Variants in CDC42BPB observed in about 807,000 individuals in gnomAD.
CDC42BPB encodes the protein serine/threonine-protein kinase MRCK beta.
A neutral mutation model predicts 214.9 loss-of-function variants in CDC42BPB; 37 were observed. That is an observed-to-expected ratio of 0.17 (90% CI 0.13 to 0.23). The LOEUF is 0.23. Among genes scored for constraint, CDC42BPB ranks in the 10% least tolerant of loss-of-function variants. CDC42BPB has a pLI of 1.00. For synonymous variants in CDC42BPB, 931 were observed against 884.0 expected, an observed-to-expected ratio of 1.05 and a Z score of -0.94; for missense variants, 1,694 against 2,227.0, an observed-to-expected ratio of 0.76 and a Z score of 4.82.
rs34302315 is a variant in CDC42BPB, at chr14:103,057,261, T to C, written c.-88A>G. The C allele has an allele frequency of 0.39, 458,881 of 1,169,046 alleles. 90,950 individuals are homozygous for C. Among genetic ancestry groups the C allele is most frequent in the African/African-American group, 0.54 (33,366 of 61,618 alleles). The allele number at this position is 1,169,046 out of a possible 1,614,324, so 72.4% of individuals were successfully genotyped here. On this transcript the variant is annotated 5_prime_UTR_variant, in exon 1 of 37. Transcript: ENST00000361246. ...GGCGCGCCCTCGGGGGCTCGGCGGC[T>C]GCGAGCCCCGGCAGCAGCGGCGCCT...
intron 1 of CDC42BPB, among the ~76,000 whole-genome samples, chr14:103,040,279 C>T (rs1228232351): frequency 1.3e-5 from 2 of 151,768 alleles, no homozygotes; most frequent in East Asian, 3.9e-4. Context: ...CGCTTGGACC[C>T]GGGAGGCAGA....
At chr14:102,951,465 G>A (rs1892487389) in intron 24 of CDC42BPB, among the ~76,000 whole-genome samples, 1 of 151,958 alleles carries the variant, frequency 6.6e-6, no homozygotes, top group Non-Finnish European at 1.5e-5. Flanking sequence ...TCGAATCCCA[G>A]CACAGGGCAA....
chr14:102,970,002 C>T lies in CDC42BPB; in HGVS notation c.1995+149G>A, dbSNP rs1029746469. The T allele has an allele frequency of 1.9e-5, 11 of 575,170 alleles. No homozygotes were observed. The Admixed American group carries it at 2.2e-4, about 11-fold the overall frequency. 35.6% of individuals were successfully genotyped at this position (575,170 alleles called of 1,614,324 possible). The stretch of plus-strand genomic sequence containing the variant: ...AGTCACGAAGGCAGGGGTCACACCC[C>T]CCACCTCTCCACATGTGGGTCTTGT... On this transcript the variant is annotated intron_variant, in intron 14 of 36. Coordinates refer to ENST00000361246, the MANE Select transcript of CDC42BPB (RefSeq NM_006035.4).
intron 1 of CDC42BPB, 139 bp from the exon 2 acceptor site, chr14:103,012,327 A>G: frequency 6.9e-7 from 1 of 1,445,630 alleles, no homozygotes; most frequent in Non-Finnish European, 9.1e-7. Flanking sequence ...CATGTTTTGG[A>G]AAGTGAGCAC....
chr14:102,933,756 G>A lies in CDC42BPB; in HGVS notation c.5092C>T (p.Gln1698Ter). 6.7e-7 allele frequency: 1 copy of A among 1,497,436 alleles called. No individual in the cohort carries two copies. Among genetic ancestry groups the A allele is most frequent in the Non-Finnish European group, 8.8e-7 (1 of 1,138,140 alleles). The allele number at this position is 1,497,436 out of a possible 1,614,324, so 92.8% of individuals were successfully genotyped here. ...PPSPNSPHRS[Q>*]LPLEGLEQPA... ...TGCTCCAGGCCTTCGAGGGGGAGCT[G>A]GCTCCTGTGGGGGGAGTTGGGGCTC... Residue 1698 changes from glutamine to a stop codon, truncating the protein, a stop_gained, in exon 37 of 37, where the codon CAG becomes TAG. Transcript: ENST00000361246. LOFTEE classifies it high-confidence loss of function.
At chr14:102,983,451 A>G (rs1886467554) in intron 7 of CDC42BPB, 105 bp downstream of exon 7, 1 of 1,512,754 alleles carries the variant, frequency 6.6e-7, no homozygotes, top group Non-Finnish European at 8.8e-7. Context: ...CCTCTTCCTC[A>G]ACTACTCGCG....
At chr14:103,049,499 A>G (rs1240402876) in intron 1 of CDC42BPB, among the ~76,000 whole-genome samples, 2 of 152,262 alleles carry the variant, frequency 1.3e-5, no homozygotes, top group African/African-American at 4.8e-5. Context: ...GATCCTAACT[A>G]AAATGATAAG....
At chr14:102,953,457 T>A (rs927291255) in intron 23 of CDC42BPB, among the ~76,000 whole-genome samples, 2 of 152,230 alleles carry the variant, frequency 1.3e-5, no homozygotes, top group African/African-American at 4.8e-5. Context: ...AGCCAAACCC[T>A]TAGGTAGCCT....
chr14:103,027,909 C>T (rs1887141403), intron 1 of CDC42BPB, among the ~76,000 whole-genome samples: 1 of 152,114 alleles, frequency 6.6e-6, no homozygotes, highest in African/African-American at 2.4e-5. Context: ...GCAGGTGGAT[C>T]ACTTGAGGTC....
Position 103,004,940 on chromosome 14 carries a change from G to T in CDC42BPB, c.352-917C>A, listed in dbSNP as rs530800988. The stretch of plus-strand genomic sequence containing the variant: ...CCCAGCAGTTTGGGAGGCCGAGGTG[G>T]GTGGATCACGAGGTCAGGAGATCAA... On this transcript the variant is annotated intron_variant, in intron 3 of 36. Transcript: ENST00000361246. This position sits in a 1 kb window ranked among gnomAD's most constrained non-coding sequence, Gnocchi z 5.3. Among the ~76,000 whole-genome samples the T allele has an allele frequency of 6.6e-6, 1 of 152,082 alleles. No homozygotes were observed. Among genetic ancestry groups the T allele is most frequent in the South Asian group, 2.1e-4 (1 of 4,796 alleles).
chr14:102,990,777 G>A (rs1177706819), intron 5 of CDC42BPB, among the ~76,000 whole-genome samples: 1 of 152,208 alleles, frequency 6.6e-6, no homozygotes. Flanking sequence ...AAAAAGTGAA[G>A]AGGCACAGCG....
At chr14:102,988,757 G>C (rs1267394761) in intron 5 of CDC42BPB, among the ~76,000 whole-genome samples, 1 of 151,686 alleles carries the variant, frequency 6.6e-6, no homozygotes, top group Non-Finnish European at 1.5e-5. Context: ...ACTCTTCCTT[G>C]TGCCGTATAT....
At chr14:102,941,584 T>G (rs34185920) in intron 30 of CDC42BPB, 1 of 984,536 alleles carries the variant, frequency 1.0e-6, no homozygotes, top group Non-Finnish European at 1.2e-6. Context: ...GGGAAGGCCC[T>G]TGCCTGCCGA....
At chr14:102,954,715 G>T (rs1401503836) in intron 21 of CDC42BPB, 27 bp from the exon 22 acceptor site, 1 of 1,601,742 alleles carries the variant, frequency 6.2e-7, no homozygotes, top group Non-Finnish European at 8.5e-7. Context: ...AGAAAGAGTG[G>T]GGTGAAAGGA....
In CDC42BPB at chr14:102,963,065, A is replaced by G. The variant is rs750118174; in HGVS notation, c.2817T>C (p.Asp939=). 5 of 1,338,236 alleles carry G rather than the reference A, an allele frequency of 3.7e-6. No individual in the cohort carries two copies. Among genetic ancestry groups the G allele is most frequent in the Non-Finnish European group, 5.4e-6 (5 of 930,958 alleles). 82.9% of individuals were successfully genotyped at this position (1,338,236 alleles called of 1,614,324 possible). A position where few individuals can be genotyped will look rare whatever the true frequency, so the allele number is the denominator to read the frequency against. Residue 939 remains aspartate (D), a synonymous_variant, in exon 20 of 37, where the codon GAT becomes GAC. Transcript: ENST00000361246. ...AATCGCACAACATTAATTTACCAGT[A>G]TCTGCTCTGAATTTTTCTTCCATCT... is the stretch of plus-strand genomic sequence containing the variant. The part of the protein sequence containing the change: ...KKKMEEKFRA[D]TGLKLPDFQD...
chr14:103,045,556 T>C (rs557628172), intron 1 of CDC42BPB, among the ~76,000 whole-genome samples: 2 of 152,180 alleles, frequency 1.3e-5, no homozygotes, highest in African/African-American at 4.8e-5. Flanking sequence ...AGGTACTCCC[T>C]GCTTCTTCAC....
At chr14:103,035,469 A>C (rs529128773) in intron 1 of CDC42BPB, among the ~76,000 whole-genome samples, 1 of 152,064 alleles carries the variant, frequency 6.6e-6, no homozygotes, top group Non-Finnish European at 1.5e-5. Flanking sequence ...CCTGCCAGGC[A>C]GGAGGATCAC....
chr14:103,010,358 C>T (rs1886080502), intron 2 of CDC42BPB, among the ~76,000 whole-genome samples: 1 of 152,140 alleles, frequency 6.6e-6, no homozygotes, highest in Non-Finnish European at 1.5e-5. Flanking sequence ...AGGCCTGGAT[C>T]CAGGGTCTGT....
At chr14:103,007,184 G>A (rs915224617) in intron 3 of CDC42BPB, among the ~76,000 whole-genome samples, 9 of 152,116 alleles carry the variant, frequency 5.9e-5, no homozygotes, top group Non-Finnish European at 1.3e-4. Context: ...TTGAGACCAG[G>A]GTAACTACAA....
Sources: allele counts gnomAD v4.1 joint callset (sites outside exome capture counted in the v4.1 genomes callset), GRCh38; gene constraint gnomAD v4.1.1; non-coding constraint Gnocchi (gnomAD v3.1); transcripts MANE v1.5; gene names NCBI Gene and HGNC (gene_info 2026-07-23, HGNC 2026-07-21).